The following CYP2B6 variants were observed in gnomAD, a reference collection of about 807,000 sequenced individuals.
CYP2B6 encodes cytochrome P450 2B6.
Under a neutral mutation model 43.4 loss-of-function variants are expected in CYP2B6, and 35 were observed. The observed-to-expected ratio is 0.81, with a 90% confidence interval of 0.62 to 1.07. CYP2B6 has a LOEUF of 1.07. Ranked by LOEUF, CYP2B6 falls within the 50% of genes least tolerant of loss-of-function variation. The pLI is 0.00. For missense variants in CYP2B6, 624 were observed against 632.8 expected (o/e 0.99, Z 0.15); for synonymous variants, 239 against 239.2 (o/e 1.00, Z 0.01).
At position 41,006,952 on chromosome 19, in the gene CYP2B6, A is replaced by T; in HGVS notation, c.532A>T (p.Ile178Phe). 1 of 1,614,000 alleles carries T rather than the reference A, an allele frequency of 6.2e-7. No homozygotes were observed. Among genetic ancestry groups the T allele is most frequent in the Non-Finnish European group, 8.5e-7 (1 of 1,180,006 alleles). The change falls in exon 4 of 9, where the codon ATC (isoleucine) becomes TTC (phenylalanine). Residue 178 changes from isoleucine to phenylalanine, a missense_variant. Coordinates refer to ENST00000324071, the MANE Select transcript of CYP2B6 (RefSeq NM_000767.5). ...CCTCTTCCAGTCCATTACCGCCAACATCATCTGCTCCATCGTCTTTGGAAA... is the reference window on the plus strand; with the variant it reads ...CCTCTTCCAGTCCATTACCGCCAACTTCATCTGCTCCATCGTCTTTGGAAA... ...TFLFQSITAN[I>F]ICSIVFGKRF...
At chr19:40,999,473 T>G (rs1050138710) in intron 1 of CYP2B6, among the ~76,000 whole-genome samples, 59 of 152,074 alleles carry the variant, frequency 3.9e-4, no homozygotes, top group African/African-American at 1.2e-3. Context: ...TGGTTTTGGT[T>G]TTTTAGACAT....
intron 1 of CYP2B6, among the ~76,000 whole-genome samples, chr19:40,995,682 A>G (rs751607541): frequency 7.2e-5 from 11 of 152,212 alleles, no homozygotes; most frequent in Non-Finnish European, 5.9e-5. Context: ...GCCCTCTATT[A>G]CTATTTTACA....
intron 8 of CYP2B6, 53 bp downstream of exon 8, chr19:41,012,868 C>T (rs8192719): frequency 0.26 from 415,393 of 1,599,590 alleles, 56,517 homozygotes; most frequent in South Asian, 0.39. Context: ...GGTACTATCC[C>T]CAACTTGAGA....
chr19:40,995,969 A>G (rs1359897021), intron 1 of CYP2B6, among the ~76,000 whole-genome samples: 2 of 152,186 alleles, frequency 1.3e-5, no homozygotes, highest in African/African-American at 2.4e-5. Flanking sequence ...TGGGAACTAC[A>G]TGAGGCAGGA....
chr19:41,017,085 C>A lies in CYP2B6; in HGVS notation c.*258C>A, dbSNP rs1454780952. The A allele has an allele frequency of 7.4e-6, 2 of 271,810 alleles. No homozygotes were observed. The highest frequency in any genetic ancestry group is 7.1e-5 in the East Asian group (1 of 14,142). 16.8% of individuals were successfully genotyped at this position (271,810 alleles called of 1,614,324 possible). On this transcript the variant is annotated 3_prime_UTR_variant, in exon 9 of 9. Transcript: ENST00000324071. ...TGAGACAGAGTCTCACACTGTTGCC[C>A]AGGCTGGAGTGCAGTGGCGTGATCT... is the stretch of plus-strand genomic sequence containing the variant.
intron 1 of CYP2B6, 146 bp from the exon 2 acceptor site, chr19:41,003,855 T>A: frequency 9.5e-7 from 1 of 1,047,300 alleles, no homozygotes; most frequent in Non-Finnish European, 1.5e-6. Flanking sequence ...CCTTAATTGC[T>A]GGGTCCCAGC....
chr19:40,995,616 C>A (rs1177349801), intron 1 of CYP2B6, among the ~76,000 whole-genome samples: 1 of 152,194 alleles, frequency 6.6e-6, no homozygotes, highest in African/African-American at 2.4e-5. Flanking sequence ...ATTATTGAGT[C>A]ATATCAGAGT....
chr19:41,009,842 G>T, intron 5 of CYP2B6, 152 bp from the exon 6 acceptor site: 2 of 757,188 alleles, frequency 2.6e-6, no homozygotes, highest in African/African-American at 1.7e-5. Flanking sequence ...AGAGATACGC[G>T]GTTGGATGTG....
intron 6 of CYP2B6, among the ~76,000 whole-genome samples, chr19:41,010,759 CCCATTAA>C (rs533785957): frequency 1.3e-3 from 191 of 152,062 alleles, no homozygotes; most frequent in African/African-American, 4.4e-3. Context: ...GTACATTGTA[CCCATTAA>C]GTAATTTCTC....
intron 6 of CYP2B6, among the ~76,000 whole-genome samples, chr19:41,010,463 G>C (rs1340485719): frequency 6.0e-5 from 9 of 150,708 alleles, no homozygotes; most frequent in African/African-American, 2.2e-4. Context: ...ACCCAGGCTG[G>C]AGTGCAGTGG....
intron 1 of CYP2B6, among the ~76,000 whole-genome samples, chr19:40,994,756 C>A (rs760660918): frequency 1.1e-4 from 16 of 152,108 alleles, no homozygotes; most frequent in Non-Finnish European, 1.9e-4. Context: ...AGATACATTT[C>A]CTATATTTAG....
In CYP2B6 at chr19:41,006,924, C is replaced by A; in HGVS notation, c.504C>A (p.Thr168=). Residue 168 remains threonine, a synonymous_variant, in exon 4 of 9, where the codon ACC becomes ACA. Transcript: ENST00000324071. The stretch of plus-strand genomic sequence containing the variant: ...TCCTAGGGGCCCTCATGGACCCCAC[C>A]TTCCTCTTCCAGTCCATTACCGCCA... The part of the protein sequence containing the change: ...RKSKGALMDP[T]FLFQSITANI... The A allele has an allele frequency of 6.2e-7, 1 of 1,613,862 alleles. No individual in the cohort carries two copies. The highest frequency in any genetic ancestry group is 1.1e-5 in the South Asian group (1 of 91,052).
chr19:41,000,772 C>T (rs1248085187), intron 1 of CYP2B6, among the ~76,000 whole-genome samples: 1 of 152,028 alleles, frequency 6.6e-6, no homozygotes, highest in Non-Finnish European at 1.5e-5. Context: ...GGCATGGCAG[C>T]CCATGCCTAT....
intron 8 of CYP2B6, among the ~76,000 whole-genome samples, chr19:41,016,044 A>G (rs567194939): frequency 1.3e-5 from 2 of 149,464 alleles, no homozygotes; most frequent in Non-Finnish European, 3.0e-5. Flanking sequence ...GGGTCATTAT[A>G]CTCTGTGGGT....
chr19:41,016,429 A>AGAG (rs1278513595), intron 8 of CYP2B6, among the ~76,000 whole-genome samples: 24 of 93,274 alleles, frequency 2.6e-4, no homozygotes, highest in African/African-American at 7.5e-4. Context: ...AAAAAAAAAA[A>AGAG]AAAAAGAGAG....
rs187812230 is a variant in CYP2B6 at position 41,017,565 on chromosome 19, G to A, written c.*738G>A. 1.3e-3 allele frequency: 205 copies of A among 152,108 alleles called. No homozygotes were observed. Among genetic ancestry groups the A allele is most frequent in the African/African-American group, 4.8e-3 (198 of 41,496 alleles). The allele number at this position is 152,108 out of a possible 1,614,324, so 9.4% of individuals were successfully genotyped here. A position where few individuals can be genotyped will look rare whatever the true frequency, so the allele number is the denominator to read the frequency against. ...GTCCACTGCAACCTCCACATCCTGG[G>A]TTCAAGTGATTCTCCTGCCTCAGCC... is the stretch of plus-strand genomic sequence containing the variant. On this transcript the variant is annotated 3_prime_UTR_variant, in exon 9 of 9. Transcript: ENST00000324071.
In CYP2B6 at chr19:41,006,991, C is replaced by G. The variant is rs759826195; in HGVS notation, c.571C>G (p.Gln191Glu). 6 of 1,613,898 alleles carry G rather than the reference C, an allele frequency of 3.7e-6. No homozygotes were observed. The Admixed American group carries it at 8.3e-5, about 22-fold the overall frequency. ...SIVFGKRFHYQDQEFLKMLNL... is the reference protein window; with the variant it reads ...SIVFGKRFHYEDQEFLKMLNL... Reference sequence around the variant, plus strand: ...CGTCTTTGGAAAACGATTCCACTACCAAGATCAAGAGTTCCTGAAGATGCT... The same window carrying G: ...CGTCTTTGGAAAACGATTCCACTACGAAGATCAAGAGTTCCTGAAGATGCT... Residue 191 changes from glutamine (Q) to glutamate (E), a missense_variant, in exon 4 of 9, where the codon CAA (glutamine) becomes GAA (glutamate). Coordinates refer to ENST00000324071, the MANE Select transcript of CYP2B6 (RefSeq NM_000767.5).
At chr19:41,000,921 C>T (rs1431424903) in intron 1 of CYP2B6, among the ~76,000 whole-genome samples, 1 of 152,066 alleles carries the variant, frequency 6.6e-6, no homozygotes, top group Non-Finnish European at 1.5e-5. Context: ...TGTCTGTAAT[C>T]CCAGCTACTC....
chr19:40,991,382 C>T lies in CYP2B6; in HGVS notation c.77C>T (p.Thr26Ile), dbSNP rs2144653863. 1.9e-6 allele frequency: 3 copies of T among 1,614,094 alleles called. No individual in the cohort carries two copies. The highest frequency in any genetic ancestry group is 2.2e-5 in the East Asian group (1 of 44,884). The change falls in exon 1 of 9, where the codon ACC becomes ATC. Residue 26 changes from threonine to isoleucine, a missense_variant. Transcript: ENST00000324071. ...CTCCTGGTTCAGCGCCACCCTAACA[C>T]CCATGACCGCCTCCCACCAGGGCCC... is the stretch of plus-strand genomic sequence containing the variant. ...LLLLVQRHPN[T>I]HDRLPPGPRP...
Sources: gnomAD v4.1 joint callset for allele counts (sites outside exome capture counted in the v4.1 genomes callset) on GRCh38, gnomAD v4.1.1 for gene constraint, MANE v1.5 for transcripts, NCBI Gene and HGNC (gene_info 2026-07-23, HGNC 2026-07-21) for gene names.